The following ANOS1 variants were observed in gnomAD, a reference collection of about 807,000 sequenced individuals.
ANOS1 encodes the protein anosmin 1.
In ANOS1, 6 loss-of-function variants were observed where a neutral mutation model predicts 59.0. The observed-to-expected ratio is 0.10, with a 90% CI of 0.06 to 0.20. ANOS1 has a LOEUF of 0.20. Among genes scored for constraint, ANOS1 ranks in the 10% least tolerant of loss-of-function variants. The pLI, the probability that ANOS1 is intolerant of heterozygous loss-of-function variation, is 1.00. For synonymous variants in ANOS1, 217 were observed against 223.4 expected, an observed-to-expected ratio of 0.97 and a Z score of 0.25; for missense variants, 433 against 542.3, an observed-to-expected ratio of 0.80 and a Z score of 2.00.
chrX:8,534,562 C>T, intron 12 of ANOS1, 102 bp from the exon 13 acceptor site: 2 of 833,938 alleles, frequency 2.4e-6, no homozygotes, highest in Non-Finnish European at 3.5e-6. Context: ...TGGAGAATAT[C>T]ATACACAGGC....
chrX:8,622,329 C>T lies in ANOS1; in HGVS notation c.318+1279G>A, dbSNP rs750779937. ...TTAACTACAGGAGTATGGGAAAGGT[C>T]AAGTAAGATTATGAAGATATTTTAC... is the stretch of plus-strand genomic sequence containing the variant. On this transcript the variant is annotated intron_variant, in intron 3 of 13. Transcript: ENST00000262648. Among the ~76,000 whole-genome samples, 38 of 111,920 alleles carry T rather than the reference C, an allele frequency of 3.4e-4. No individual in the cohort carries two copies. The South Asian group carries it at 5.2e-3, about 15-fold the overall frequency.
chrX:8,639,446 C>G (rs1931623713), intron 2 of ANOS1, among the ~76,000 whole-genome samples: 1 of 111,688 alleles, frequency 9.0e-6, no homozygotes, highest in Non-Finnish European at 1.9e-5. Context: ...ATAAGAGTAA[C>G]TTAAATACCC....
intron 1 of ANOS1, among the ~76,000 whole-genome samples, chrX:8,722,574 TAC>T (rs774803381): frequency 0.021 from 2,119 of 100,994 alleles, 24 homozygotes; most frequent in South Asian, 0.038. Context: ...ATTATGTGTG[TAC>T]ACACACACAC....
At position 8,592,153 on chromosome X, in the gene ANOS1, T is replaced by C. The variant is rs866163092; in HGVS notation, c.542-4175A>G. 8.0e-5 allele frequency among the ~76,000 whole-genome samples: 9 copies of C among 112,025 alleles called. No homozygotes were observed. The South Asian group carries it at 3.0e-3, about 37-fold the overall frequency. On this transcript the variant is annotated intron_variant, in intron 4 of 13. Coordinates refer to ENST00000262648, the MANE Select transcript of ANOS1 (RefSeq NM_000216.4). ...TATTACTATTAATTTTTATCATGAATCTAAATGATATAAAAATGTAGCAAG... is the reference window on the plus strand; with the variant it reads ...TATTACTATTAATTTTTATCATGAACCTAAATGATATAAAAATGTAGCAAG...
chrX:8,720,570 G>T (rs996616998), intron 1 of ANOS1, among the ~76,000 whole-genome samples: 4 of 111,582 alleles, frequency 3.6e-5, no homozygotes, highest in Non-Finnish European at 7.5e-5. Context: ...ACAACTTGCA[G>T]CAATTTTATT....
chrX:8,545,350 G>C (rs1278352058), intron 9 of ANOS1, among the ~76,000 whole-genome samples: 1 of 100,336 alleles, frequency 1.0e-5, no homozygotes, highest in Non-Finnish European at 2.0e-5. Flanking sequence ...AAGAAAGAGA[G>C]AGGGAGGGAG....
chrX:8,656,786 C>T (rs1179506840), intron 2 of ANOS1, among the ~76,000 whole-genome samples: 2 of 110,992 alleles, frequency 1.8e-5, no homozygotes, highest in Non-Finnish European at 3.8e-5. Flanking sequence ...TGGCGTTCAC[C>T]CTCAGATGAC....
chrX:8,655,182 T>C (rs1931911825), intron 2 of ANOS1, among the ~76,000 whole-genome samples: 1 of 111,668 alleles, frequency 9.0e-6, no homozygotes, highest in Non-Finnish European at 1.9e-5. Flanking sequence ...CACCATGATG[T>C]AGAATCAGTG....
chrX:8,570,530 G>C lies in ANOS1; in HGVS notation c.1031C>G (p.Thr344Arg). ...WMVSSKSLVP[T>R]KKKRRKTTDG... ...CGTAGTCTTTCTCCGCTTCTTCTTT[G>C]TTGGGACAAGAGACTTACTGCTGAC... Residue 344 changes from threonine to arginine, a missense_variant, in exon 7 of 14, where the codon ACA becomes AGA. Physicochemically the swap from Thr to Arg is moderately conservative, Grantham distance 71 (BLOSUM62 -1). Coordinates refer to ENST00000262648, the MANE Select transcript of ANOS1 (RefSeq NM_000216.4). The C allele has an allele frequency of 8.3e-7, 1 of 1,210,663 alleles. No individual in the cohort carries two copies.
intron 3 of ANOS1, among the ~76,000 whole-genome samples, chrX:8,597,655 TC>T (rs1212680953): frequency 7.7e-5 from 6 of 78,284 alleles, no homozygotes; most frequent in African/African-American, 2.8e-4. Flanking sequence ...TTTTTCTTTC[TC>T]CCTTTTTTTT....
At chrX:8,550,573 A>G (rs1378267748) in intron 9 of ANOS1, among the ~76,000 whole-genome samples, 1 of 111,775 alleles carries the variant, frequency 8.9e-6, no homozygotes, top group Admixed American at 9.6e-5. Context: ...GAGGACTATC[A>G]TTAGAAATAT....
At chrX:8,642,795 T>A (rs1453108754) in intron 2 of ANOS1, among the ~76,000 whole-genome samples, 1 of 110,872 alleles carries the variant, frequency 9.0e-6, no homozygotes, top group African/African-American at 3.3e-5. Flanking sequence ...TAGGATTGAG[T>A]AGGTTTGAAG....
At chrX:8,689,186 T>C (rs1932566648) in intron 2 of ANOS1, among the ~76,000 whole-genome samples, 1 of 112,110 alleles carries the variant, frequency 8.9e-6, no homozygotes. Context: ...AGAAATGGTG[T>C]TTTGAAACTA....
chrX:8,543,642 T>C (rs1929721823), intron 9 of ANOS1, among the ~76,000 whole-genome samples: 2 of 109,588 alleles, frequency 1.8e-5, no homozygotes, highest in South Asian at 8.0e-4. Flanking sequence ...GGTGGGTGGA[T>C]TGTCTGAGGT....
intron 2 of ANOS1, among the ~76,000 whole-genome samples, chrX:8,664,473 G>A (rs1472656108): frequency 9.1e-6 from 1 of 110,439 alleles, no homozygotes; most frequent in East Asian, 2.8e-4. Context: ...GATTACAGGT[G>A]TGAGCCACCG....
At chrX:8,533,086 A>G in intron 13 of ANOS1, 33 bp from the exon 14 acceptor site, 1 of 838,888 alleles carries the variant, frequency 1.2e-6, no homozygotes, top group Non-Finnish European at 1.8e-6. Flanking sequence ...AGTCACATCC[A>G]TTTGTATGTA....
intron 1 of ANOS1, among the ~76,000 whole-genome samples, chrX:8,715,589 T>C (rs934135492): frequency 4.5e-5 from 5 of 110,516 alleles, no homozygotes; most frequent in African/African-American, 1.6e-4. Flanking sequence ...GGGAAATCTT[T>C]AAGTAACAAA....
chrX:8,629,759 CA>C (rs1931456691), intron 2 of ANOS1, among the ~76,000 whole-genome samples: 1 of 112,052 alleles, frequency 8.9e-6, no homozygotes, highest in Non-Finnish European at 1.9e-5. Context: ...AAAAGGACAG[CA>C]GAAGAAATGT....
intron 2 of ANOS1, among the ~76,000 whole-genome samples, chrX:8,659,755 A>C (rs1423279215): frequency 9.2e-6 from 1 of 109,104 alleles, no homozygotes; most frequent in East Asian, 2.9e-4. Flanking sequence ...CAGCCTCCCG[A>C]GTAGCTGGGA....
Sources: gnomAD v4.1 joint callset for allele counts (sites outside exome capture counted in the v4.1 genomes callset) on GRCh38, gnomAD v4.1.1 for gene constraint, MANE v1.5 for transcripts, NCBI Gene and HGNC (gene_info 2026-07-23, HGNC 2026-07-21) for gene names.